The following SBSN variants were observed in gnomAD, a reference collection of about 807,000 sequenced individuals.
SBSN encodes suprabasin.
A neutral mutation model predicts 42.8 loss-of-function variants in SBSN; 33 were observed. The ratio of observed to expected loss-of-function variants is 0.77; its 90% confidence interval spans 0.58 to 1.03. The LOEUF is 1.03. SBSN is among the 50% of genes least tolerant of loss of function. SBSN has a pLI of 0.00. For synonymous variants in SBSN, 276 were observed against 307.0 expected, an observed-to-expected ratio of 0.90 and a Z score of 1.06; for missense variants, 646 against 757.3, an observed-to-expected ratio of 0.85 and a Z score of 1.72.
Position 35,527,867 on chromosome 19 carries a change from G to A in SBSN, c.415C>T (p.His139Tyr), listed in dbSNP as rs200153005. 4.4e-4 allele frequency: 711 copies of A among 1,614,092 alleles called. 7 individuals carry two copies. The South Asian group carries it at 6.9e-3, about 16-fold the overall frequency. The change falls in exon 1 of 4, where the codon CAT becomes TAT. Residue 139 changes from histidine (H) to tyrosine (Y), a missense_variant. This residue lies in a region of SBSN where 190 missense variants were observed against 197.1 expected (regional missense o/e 0.96). Transcript: ENST00000452271. Reference protein sequence around the residue: ...EADKLIHHGVHHGANQAGSEA... With the variant: ...EADKLIHHGVYHGANQAGSEA... The stretch of plus-strand genomic sequence containing the variant: ...CTTCCCGCCTGGTTGGCCCCGTGAT[G>A]GACCCCATGATGGATCAGTTTGTCT...
At chr19:35,524,209 G>A (rs902283018) in intron 3 of SBSN, among the ~76,000 whole-genome samples, 8 of 152,098 alleles carry the variant, frequency 5.3e-5, no homozygotes, top group African/African-American at 1.9e-4. Flanking sequence ...AGAGAGTCAG[G>A]AGTTTACTTT....
At chr19:35,526,092 T>A (rs2071366905) in intron 1 of SBSN, among the ~76,000 whole-genome samples, 1 of 152,226 alleles carries the variant, frequency 6.6e-6, no homozygotes, top group Non-Finnish European at 1.5e-5. Flanking sequence ...AGCTGGGCAC[T>A]AGCCACAGGA....
rs1251697559 is a variant in SBSN, at chr19:35,527,952, C to T, written c.330G>A (p.Lys110=). 6.8e-6 allele frequency: 11 copies of T among 1,614,136 alleles called. No individual in the cohort carries two copies. The highest frequency in any genetic ancestry group is 3.3e-5 in the Admixed American group (2 of 60,014). ...CCCCATGGCCAAGCTTCTCTGCTTC[C>T]TTTCCTGCTTGTCCAATACCATGGT... ...EINHGIGQAG[K]EAEKLGHGVN... The change falls in exon 1 of 4, where the codon AAG becomes AAA. Residue 110 remains lysine (K), a synonymous_variant. Transcript: ENST00000452271.
intron 1 of SBSN, 113 bp downstream of exon 1, chr19:35,526,531 T>A: frequency 1.0e-6 from 1 of 1,003,794 alleles, no homozygotes; most frequent in South Asian, 1.7e-5. Context: ...CCCAAGCTTC[T>A]TTCACCAAAC....
intron 1 of SBSN, 129 bp from the exon 2 acceptor site, chr19:35,525,053 G>C (rs1175843020): frequency 1.3e-5 from 12 of 911,826 alleles, no homozygotes; most frequent in Non-Finnish European, 1.9e-5. Context: ...TTAACCCACT[G>C]CCTCCTCACT....
chr19:35,525,056 T>C, intron 1 of SBSN, 132 bp from the exon 2 acceptor site: 2 of 877,820 alleles, frequency 2.3e-6, no homozygotes, highest in Non-Finnish European at 3.6e-6. Context: ...ACCCACTGCC[T>C]CCTCACTGTC....
At chr19:35,525,980 G>C (rs946685026) in intron 1 of SBSN, among the ~76,000 whole-genome samples, 3 of 152,140 alleles carry the variant, frequency 2.0e-5, no homozygotes, top group Non-Finnish European at 4.4e-5. Flanking sequence ...CACTGAACCT[G>C]GCCTCTGTTC....
At position 35,528,198 on chromosome 19, in the gene SBSN, G is replaced by A. The variant is rs1375655329; in HGVS notation, c.84C>T (p.Pro28=). The change falls in exon 1 of 4, where the codon CCC becomes CCT. Residue 28 remains proline (P), a synonymous_variant. Transcript: ENST00000452271. ...TGATCCCTTCAATGACCTTCTCAAT[G>A]GGGTCATCGCTGGCCGCCCATCCAG... ...ALSGWAASDD[P]IEKVIEGINR... is the part of the protein sequence containing the mutation. 1.9e-6 allele frequency: 3 copies of A among 1,613,912 alleles called. No individual in the cohort carries two copies. The highest frequency in any genetic ancestry group is 1.7e-6 in the Non-Finnish European group (2 of 1,180,020).
chr19:35,526,555 A>AC (rs555928262), intron 1 of SBSN, 89 bp downstream of exon 1: 415 of 1,045,618 alleles, frequency 4.0e-4, no homozygotes, highest in South Asian at 1.5e-3. Context: ...GGCTACGCGG[A>AC]CCCCCCCGCC....
chr19:35,523,412 G>C lies in SBSN; in HGVS notation c.*98C>G, dbSNP rs1197361955. On this transcript the variant is annotated 3_prime_UTR_variant, in exon 4 of 4. Coordinates refer to ENST00000452271, the MANE Select transcript of SBSN (RefSeq NM_001166034.2). The stretch of plus-strand genomic sequence containing the variant: ...CAAATCCCAGTACAACCCCCTTCAG[G>C]GATTTCAGAAACCTGTCCCCCACCC... 3 of 1,194,168 alleles carry C rather than the reference G, an allele frequency of 2.5e-6. No individual in the cohort carries two copies. The highest frequency in any genetic ancestry group is 3.8e-6 in the Non-Finnish European group (3 of 799,694). 74.0% of individuals were successfully genotyped at this position (1,194,168 alleles called of 1,614,324 possible). A position where few individuals can be genotyped will look rare whatever the true frequency, so the allele number is the denominator to read the frequency against.
intron 1 of SBSN, 42 bp downstream of exon 1, chr19:35,526,602 C>T: frequency 2.2e-6 from 2 of 907,372 alleles, no homozygotes; most frequent in Non-Finnish European, 1.6e-6. Context: ...TTTCCCTCCC[C>T]CAACCCCCCT....
In SBSN at chr19:35,526,846, C is replaced by T. The variant is rs2071378871; in HGVS notation, c.1436G>A (p.Gly479Glu). 1.2e-6 allele frequency: 2 copies of T among 1,613,834 alleles called. No homozygotes were observed. Among genetic ancestry groups the T allele is most frequent in the African/African-American group, 1.3e-5 (1 of 74,900 alleles). Residue 479 changes from glycine (G) to glutamate (E), a missense_variant, in exon 1 of 4, where the codon GGG (glycine) becomes GAG (glutamate). By Grantham distance (98) the Gly-to-Glu change is moderately conservative (BLOSUM62 -2). Around this residue, in one of 3 missense-constraint regions of SBSN, gnomAD observed 236 missense variants for 225.6 expected, o/e 1.05. Transcript: ENST00000452271. ...AGCCTGGTGGACCCCAGTGTGGAACCCTTGGACCGCTTTGTCTGCTTCCTT... is the reference window on the plus strand; with the variant it reads ...AGCCTGGTGGACCCCAGTGTGGAACTCTTGGACCGCTTTGTCTGCTTCCTT... ...AGKEADKAVQ[G>E]FHTGVHQAGK...
chr19:35,527,981 T>A lies in SBSN; in HGVS notation c.301A>T (p.Ile101Phe). 3 of 1,613,986 alleles carry A rather than the reference T, an allele frequency of 1.9e-6. No homozygotes were observed. The highest frequency in any genetic ancestry group is 1.7e-6 in the Non-Finnish European group (2 of 1,180,034). The change falls in exon 1 of 4, where the codon ATC becomes TTC. Residue 101 changes from isoleucine to phenylalanine, a missense_variant. This residue lies in a region of SBSN where 190 missense variants were observed against 197.1 expected (regional missense o/e 0.96). Transcript: ENST00000452271. ...CCTGCTTGTCCAATACCATGGTTGATCTCATGGGCAACCTTGTCCATGCCG... is the reference window on the plus strand; with the variant it reads ...CCTGCTTGTCCAATACCATGGTTGAACTCATGGGCAACCTTGTCCATGCCG... ...NHGMDKVAHE[I>F]NHGIGQAGKE...
At chr19:35,523,949 G>A (rs1195831565) in intron 3 of SBSN, among the ~76,000 whole-genome samples, 1 of 152,220 alleles carries the variant, frequency 6.6e-6, no homozygotes, top group East Asian at 1.9e-4. Context: ...GGCTGAGGAA[G>A]GAGGGGATCA....
rs535088290 is a variant in SBSN at position 35,525,813 on chromosome 19, G to T, written c.1638+831C>A. On this transcript the variant is annotated intron_variant, in intron 1 of 3. Coordinates refer to ENST00000452271, the MANE Select transcript of SBSN (RefSeq NM_001166034.2). ...TTCTCCTGCCTCAGCCTTCTGAGTA[G>T]TTGGGATTAGAGGCGCCAGCCACCA... is the stretch of plus-strand genomic sequence containing the variant. Among the ~76,000 whole-genome samples the T allele has an allele frequency of 3.5e-4, 54 of 152,278 alleles. 2 individuals carry two copies. The South Asian group carries it at 8.9e-3, about 25-fold the overall frequency.
chr19:35,524,866 G>A lies in SBSN; in HGVS notation c.1697C>T (p.Ala566Val). The A allele has an allele frequency of 6.2e-7, 1 of 1,614,118 alleles. No homozygotes were observed. Among genetic ancestry groups the A allele is most frequent in the Non-Finnish European group, 8.5e-7 (1 of 1,180,008 alleles). Residue 566 changes from alanine to valine, a missense_variant, in exon 2 of 4, where the codon GCC becomes GTC. Physicochemically the swap from Ala to Val is moderately conservative, Grantham distance 64. Coordinates refer to ENST00000452271, the MANE Select transcript of SBSN (RefSeq NM_001166034.2). ...CCCAGAGTCCGCGCTTACCCCAGAGGCTAACGGCGTGGTTGTGGCCCCTCC... is the reference window on the plus strand; with the variant it reads ...CCCAGAGTCCGCGCTTACCCCAGAGACTAACGGCGTGGTTGTGGCCCCTCC... ...HQGGATTTPLASGASVNTPFI... is the reference protein window; with the variant it reads ...HQGGATTTPLVSGASVNTPFI...
Position 35,528,023 on chromosome 19 carries a change from C to G in SBSN, c.259G>C (p.Val87Leu). The change falls in exon 1 of 4, where the codon GTC becomes CTC. Residue 87 changes from valine to leucine, a missense_variant. Physicochemically the swap from Val to Leu is conservative, Grantham distance 32 (BLOSUM62 1). Transcript: ENST00000452271. The stretch of plus-strand genomic sequence containing the variant: ...TCCATGCCGTGGTTGAGCCCCTGGA[C>G]GCCTTTGTCCAACTCCTTGCCGGTG... Reference protein sequence around the residue: ...SHTGKELDKGVQGLNHGMDKV... With the variant: ...SHTGKELDKGLQGLNHGMDKV... 6.2e-7 allele frequency: 1 copy of G among 1,613,794 alleles called. No individual in the cohort carries two copies. The highest frequency in any genetic ancestry group is 1.3e-5 in the African/African-American group (1 of 74,984).
chr19:35,526,563 G>A (rs1302980708), intron 1 of SBSN, 81 bp downstream of exon 1: 8 of 788,014 alleles, frequency 1.0e-5, no homozygotes, highest in Admixed American at 6.8e-5. Flanking sequence ...GGACCCCCCC[G>A]CCCCGCCAAA....
intron 3 of SBSN, 52 bp from the exon 4 acceptor site, chr19:35,523,585 G>T (rs376915672): frequency 6.3e-7 from 1 of 1,595,522 alleles, no homozygotes; most frequent in African/African-American, 1.3e-5. Flanking sequence ...AGTCATGACG[G>T]GACCCGAGAC....
Sources: allele counts gnomAD v4.1 joint callset (sites outside exome capture counted in the v4.1 genomes callset), GRCh38; gene constraint gnomAD v4.1.1; regional missense constraint gnomAD v4.1.1; transcripts MANE v1.5; gene names NCBI Gene and HGNC (gene_info 2026-07-23, HGNC 2026-07-21).